Variants in MFNG observed in about 807,000 individuals in gnomAD.
MFNG encodes MFNG O-fucosylpeptide 3-beta-N-acetylglucosaminyltransferase.
A neutral mutation model predicts 34.2 loss-of-function variants in MFNG; 24 were observed. The observed-to-expected ratio is 0.70, with a 90% CI of 0.51 to 0.99. The LOEUF (loss-of-function observed/expected upper bound fraction) is 0.99. Ranked by LOEUF, MFNG falls within the 50% of genes least tolerant of loss-of-function variation. The pLI, the probability that MFNG is intolerant of heterozygous loss-of-function variation, is 0.00. For synonymous variants in MFNG, 158 were observed against 179.2 expected (o/e 0.88, Z 0.94); for missense variants, 383 against 424.0 (o/e 0.90, Z 0.85).
chr22:37,482,429 TCA>T lies in MFNG; in HGVS notation c.256-1662_256-1661del, dbSNP rs148548781. On this transcript the variant is annotated intron_variant, in intron 1 of 7. Coordinates refer to ENST00000356998, the MANE Select transcript of MFNG (RefSeq NM_002405.4). This position sits in a 1 kb window ranked among gnomAD's most constrained non-coding sequence, Gnocchi z 4.1. The stretch of plus-strand genomic sequence containing the variant: ...GGGCTTCTCTCTCTGTCTCTCTCTC[TCA>T]CACACACACACGCACACACACGCAC... Among the ~76,000 whole-genome samples, 4 of 151,330 alleles carry T rather than the reference TCA, an allele frequency of 2.6e-5. No homozygotes were observed. Among genetic ancestry groups the T allele is most frequent in the Admixed American group, 6.6e-5 (1 of 15,218 alleles).
rs748682888 is a variant in MFNG at position 37,486,146 on chromosome 22, C to A, written c.32G>T (p.Gly11Val). The A allele has an allele frequency of 6.3e-7, 1 of 1,590,372 alleles. No individual in the cohort carries two copies. The highest frequency in any genetic ancestry group is 8.6e-7 in the Non-Finnish European group (1 of 1,164,308). MQCRLPRGLA[G>V]ALLTLLCMGL... ...CATGCACAGGAGGGTGAGGAGGGCT[C>A]CAGCCAGGCCCCGCGGGAGCCGGCA... The change falls in exon 1 of 8, where the codon GGA becomes GTA. Residue 11 changes from glycine (G) to valine (V), a missense_variant. By Grantham distance (109) the Gly-to-Val change is moderately radical. Transcript: ENST00000356998.
Position 37,482,967 on chromosome 22 carries a change from C to T in MFNG, c.256-2198G>A, listed in dbSNP as rs1912152702. Among the ~76,000 whole-genome samples the T allele has an allele frequency of 6.6e-6, 1 of 152,192 alleles. No homozygotes were observed. Among genetic ancestry groups the T allele is most frequent in the African/African-American group, 2.4e-5 (1 of 41,454 alleles). On this transcript the variant is annotated intron_variant, in intron 1 of 7. Coordinates refer to ENST00000356998, the MANE Select transcript of MFNG (RefSeq NM_002405.4). This position sits in a 1 kb window ranked among gnomAD's most constrained non-coding sequence, Gnocchi z 4.1. Reference sequence around the variant, plus strand: ...CATGCAGCCTCTCAGCTTTAAACACCATCAGGGAGCTGGAGACTCGTGGAC... The same window carrying T: ...CATGCAGCCTCTCAGCTTTAAACACTATCAGGGAGCTGGAGACTCGTGGAC...
At chr22:37,484,339 C>T (rs1299394759) in intron 1 of MFNG, 2 of 138,562 alleles carry the variant, frequency 1.4e-5, no homozygotes, top group African/African-American at 2.5e-5. Flanking sequence ...GATGGGGAAA[C>T]TGCGGGCCGA....
intron 7 of MFNG, 56 bp downstream of exon 7, chr22:37,472,387 G>C (rs750668928): frequency 8.2e-6 from 11 of 1,346,400 alleles, no homozygotes; most frequent in Non-Finnish European, 1.1e-5. Flanking sequence ...CCCATGTTTG[G>C]ATGCCTGGAC....
rs906654972 is a variant in MFNG at position 37,482,176 on chromosome 22, T to C, written c.256-1407A>G. ...CCACAGCCCTGCTTCTGAGCCACTA[T>C]CACCTCTCACTGGACTACTGCAAGA... On this transcript the variant is annotated intron_variant, in intron 1 of 7. Transcript: ENST00000356998. This position sits in a 1 kb window ranked among gnomAD's most constrained non-coding sequence, Gnocchi z 4.1. Among the ~76,000 whole-genome samples, 1 of 152,148 alleles carries C rather than the reference T, an allele frequency of 6.6e-6. No individual in the cohort carries two copies. The highest frequency in any genetic ancestry group is 1.5e-5 in the Non-Finnish European group (1 of 68,024).
At chr22:37,471,249 G>A (rs960414086) in intron 7 of MFNG, among the ~76,000 whole-genome samples, 5 of 152,196 alleles carry the variant, frequency 3.3e-5, no homozygotes, top group African/African-American at 1.2e-4. Flanking sequence ...GGCAGAATCA[G>A]GGCTCCTTCC....
rs184406958 is a variant in MFNG at position 37,471,747 on chromosome 22, T to C, written c.899+696A>G. On this transcript the variant is annotated intron_variant, in intron 7 of 7. Transcript: ENST00000356998. Reference sequence around the variant, plus strand: ...TCGGGAGGCTGAGGCAGAAGAATTGTTTGAACCCGGGGGGCGGAGGTTGCA... The same window carrying C: ...TCGGGAGGCTGAGGCAGAAGAATTGCTTGAACCCGGGGGGCGGAGGTTGCA... Among the ~76,000 whole-genome samples the C allele has an allele frequency of 6.3e-3, 944 of 150,562 alleles. 14 individuals are homozygous for C. The highest frequency in any genetic ancestry group is 0.022 in the African/African-American group (913 of 40,824).
chr22:37,478,863 G>C (rs1365879397), intron 4 of MFNG, among the ~76,000 whole-genome samples: 1 of 152,128 alleles, frequency 6.6e-6, no homozygotes, highest in African/African-American at 2.4e-5. Context: ...ATTTTTAGTA[G>C]AGACGGGGTT....
At chr22:37,480,388 G>A (rs1425306724) in intron 2 of MFNG, 89 bp from the exon 3 acceptor site, 4 of 1,070,460 alleles carry the variant, frequency 3.7e-6, no homozygotes, top group Admixed American at 2.1e-5. Context: ...CTGGGCAACA[G>A]GGAGTCTGGA....
chr22:37,480,192 C>A lies in MFNG; in HGVS notation c.407+5G>T, dbSNP rs981373776. ...ACTTATCCCCAGAGACCCAGGAACA[C>A]TCGCCTAAGCCCACTGGCCAAGAAG... On this transcript the variant is annotated splice_donor_5th_base_variant and intron_variant, in intron 3 of 7. Transcript: ENST00000356998. The A allele has an allele frequency of 1.9e-6, 3 of 1,599,422 alleles. No individual in the cohort carries two copies. The highest frequency in any genetic ancestry group is 1.7e-4 in the Middle Eastern group (1 of 6,008).
At chr22:37,474,369 A>G in intron 6 of MFNG, 143 bp downstream of exon 6, 1 of 959,286 alleles carries the variant, frequency 1.0e-6, no homozygotes, top group Non-Finnish European at 1.5e-6. Context: ...CCTAGGCCTC[A>G]GTTTCCCCAT....
intron 6 of MFNG, among the ~76,000 whole-genome samples, chr22:37,473,489 C>T (rs1029734827): frequency 6.6e-6 from 1 of 151,978 alleles, no homozygotes; most frequent in African/African-American, 2.4e-5. Flanking sequence ...ACTCAGGATA[C>T]CCTAACCATT....
chr22:37,480,400 C>T, intron 2 of MFNG, 101 bp from the exon 3 acceptor site: 1 of 907,566 alleles, frequency 1.1e-6, no homozygotes. Flanking sequence ...GAGTCTGGAG[C>T]AGCCCACCCA....
chr22:37,484,060 G>A (rs1922418475), intron 1 of MFNG, among the ~76,000 whole-genome samples: 1 of 152,138 alleles, frequency 6.6e-6, no homozygotes, highest in Admixed American at 6.5e-5. Flanking sequence ...GGGGTGGCCG[G>A]GGACCATCTG....
chr22:37,473,565 A>C (rs1921902993), intron 6 of MFNG, among the ~76,000 whole-genome samples: 1 of 152,102 alleles, frequency 6.6e-6, no homozygotes, highest in Non-Finnish European at 1.5e-5. Context: ...CTGCCATCCT[A>C]ATGGGACCAA....
rs368594736 is a variant in MFNG, at chr22:37,482,310, G to A, written c.256-1541C>T. Among the ~76,000 whole-genome samples the A allele has an allele frequency of 6.6e-6, 1 of 152,164 alleles. No homozygotes were observed. The highest frequency in any genetic ancestry group is 2.4e-5 in the African/African-American group (1 of 41,418). On this transcript the variant is annotated intron_variant, in intron 1 of 7. Transcript: ENST00000356998. The surrounding 1 kb of genome is among the most constrained non-coding windows in gnomAD (Gnocchi z 4.1). ...TTCCATGGCTCCCTACTACTCTTGG[G>A]ATAAAGGCCAGCCTCCCTAAGTGTG... is the stretch of plus-strand genomic sequence containing the variant.
chr22:37,477,024 A>C, intron 4 of MFNG, 43 bp from the exon 5 acceptor site: 3 of 1,572,930 alleles, frequency 1.9e-6, no homozygotes, highest in Non-Finnish European at 2.6e-6. Flanking sequence ...GCCTGGTGGC[A>C]GTTGTGGGGA....
rs895748940 is a variant in MFNG, at chr22:37,482,068, G to A, written c.256-1299C>T. Among the ~76,000 whole-genome samples, 2 of 152,232 alleles carry A rather than the reference G, an allele frequency of 1.3e-5. No individual in the cohort carries two copies. The highest frequency in any genetic ancestry group is 4.8e-5 in the African/African-American group (2 of 41,446). ...CTACTTGTATTTCAGGGGAAACTGA[G>A]GCATAGGAGGCCAGGAGGCCGGGAG... On this transcript the variant is annotated intron_variant, in intron 1 of 7. Coordinates refer to ENST00000356998, the MANE Select transcript of MFNG (RefSeq NM_002405.4). This position sits in a 1 kb window ranked among gnomAD's most constrained non-coding sequence, Gnocchi z 4.1.
Position 37,480,711 on chromosome 22 carries a change from G to A in MFNG, c.304+10C>T, listed in dbSNP as rs761352059. On this transcript the variant is annotated intron_variant, in intron 2 of 7. Transcript: ENST00000356998. ...AAGTCCCCCACCACACCCAGGCCGG[G>A]CAGAGTTACCCAGTCTCTCCTGGAG... 2 of 1,612,882 alleles carry A rather than the reference G, an allele frequency of 1.2e-6. No individual in the cohort carries two copies. Among genetic ancestry groups the A allele is most frequent in the Admixed American group, 3.3e-5 (2 of 59,942 alleles).
Sources: allele counts gnomAD v4.1 joint callset (sites outside exome capture counted in the v4.1 genomes callset), GRCh38; gene constraint gnomAD v4.1.1; non-coding constraint Gnocchi (gnomAD v3.1); transcripts MANE v1.5; gene names NCBI Gene and HGNC (gene_info 2026-07-23, HGNC 2026-07-21).